Variants in WNT10B observed in about 807,000 individuals in gnomAD.
WNT10B encodes the protein Wnt family member 10B, also known as protein Wnt-10b.
A neutral mutation model predicts 32.7 loss-of-function variants in WNT10B; 26 were observed. That is an observed-to-expected ratio of 0.79 (90% CI 0.58 to 1.10). The LOEUF is 1.10. WNT10B is among the 50% of genes least tolerant of loss of function. The probability of loss-of-function intolerance (pLI) is 0.00; values close to 1 mark genes in which losing one functional copy is unlikely to be tolerated. For missense variants in WNT10B, 474 were observed against 532.5 expected, an observed-to-expected ratio of 0.89 and a Z score of 1.08; for synonymous variants, 204 against 220.4, an observed-to-expected ratio of 0.93 and a Z score of 0.66.
In WNT10B at chr12:48,970,271, G is replaced by T. The variant is rs1940827985; in HGVS notation, c.155C>A (p.Ser52Tyr). The T allele has an allele frequency of 6.2e-7, 1 of 1,613,620 alleles. No individual in the cohort carries two copies. Among genetic ancestry groups the T allele is most frequent in the Non-Finnish European group, 8.5e-7 (1 of 1,179,876 alleles). Residue 52 changes from serine to tyrosine, a missense_variant, in exon 3 of 5, where the codon TCC becomes TAC. By Grantham distance (144) the Ser-to-Tyr change is moderately radical. Coordinates refer to ENST00000301061, the MANE Select transcript of WNT10B (RefSeq NM_003394.4). This position sits in a 1 kb window ranked among gnomAD's most constrained non-coding sequence, Gnocchi z 5.0. ...LTANTVCLTL[S>Y]GLSKRQLGLC... is the part of the protein sequence containing the mutation. ...GCCTAGCTGCCGCTTGCTCAGGCCG[G>T]ACAGCGTCAAGCACACGGTGTTGGC...
chr12:48,970,237 C>A lies in WNT10B; in HGVS notation c.189G>T (p.Leu63=). ...GLSKRQLGLC[L]RNPDVTASAL... ...CGGACGCCGTCACGTCGGGGTTGCG[C>A]AGGCACAGGCCTAGCTGCCGCTTGC... is the stretch of plus-strand genomic sequence containing the variant. The change falls in exon 3 of 5, where the codon CTG becomes CTT. Residue 63 remains leucine (L), a synonymous_variant. Transcript: ENST00000301061. The surrounding 1 kb of genome is among the most constrained non-coding windows in gnomAD (Gnocchi z 5.0). 1 of 1,609,428 alleles carries A rather than the reference C, an allele frequency of 6.2e-7. No individual in the cohort carries two copies.
intron 3 of WNT10B, 130 bp from the exon 4 acceptor site, chr12:48,968,449 C>G: frequency 1.4e-6 from 2 of 1,417,646 alleles, no homozygotes; most frequent in South Asian, 2.5e-5. Context: ...TGCCATTCAC[C>G]AGCTGAGTGA....
At chr12:48,971,073 T>C (rs1940845999) in intron 1 of WNT10B, among the ~76,000 whole-genome samples, 1 of 152,140 alleles carries the variant, frequency 6.6e-6, no homozygotes, top group Admixed American at 6.5e-5. Context: ...CCACTCACAC[T>C]GCCCCCTCCC....
Position 48,966,854 on chromosome 12 carries a change from C to T in WNT10B, c.712-301G>A, listed in dbSNP as rs557349385. On this transcript the variant is annotated intron_variant, in intron 4 of 4. Transcript: ENST00000301061. ...TCCAGTGCTCTTTCCATTGTAAGCA[C>T]TTATAAAATTGGGAGTCTGGCCCAC... Among the ~76,000 whole-genome samples the T allele has an allele frequency of 3.9e-5, 6 of 152,306 alleles. No homozygotes were observed. In the South Asian group the frequency reaches 1.2e-3, roughly 32 times the overall value.
chr12:48,969,035 CTTCT>C, intron 3 of WNT10B: 2 of 468,124 alleles, frequency 4.3e-6, no homozygotes, highest in South Asian at 1.6e-5. Flanking sequence ...AAAAGGTTGG[CTTCT>C]TTGTTATGTT....
At position 48,970,362 on chromosome 12, in the gene WNT10B, A is replaced by C. The variant is rs376064819; in HGVS notation, c.75-11T>G. 10 of 1,613,996 alleles carry C rather than the reference A, an allele frequency of 6.2e-6. No homozygotes were observed. In the African/African-American group the frequency reaches 1.3e-4, roughly 22 times the overall value. ...TCATTGCTTAGAGCCCTGGGAACCAAGAAGGCGTCTGGGGTCTGCGGTCCA... is the reference window on the plus strand; with the variant it reads ...TCATTGCTTAGAGCCCTGGGAACCACGAAGGCGTCTGGGGTCTGCGGTCCA... On this transcript the variant is annotated splice_polypyrimidine_tract_variant and intron_variant, in intron 2 of 4. Coordinates refer to ENST00000301061, the MANE Select transcript of WNT10B (RefSeq NM_003394.4). The surrounding 1 kb of genome is among the most constrained non-coding windows in gnomAD (Gnocchi z 5.0).
rs760486607 is a variant in WNT10B, at chr12:48,966,360, C to T, written c.905G>A (p.Arg302His). Residue 302 changes from arginine to histidine, a missense_variant, in exon 5 of 5, where the codon CGT becomes CAT. Physicochemically the swap from Arg to His is conservative, Grantham distance 29. Transcript: ENST00000301061. ...SGAFQPRLRPRRLSGELVYFE... is the reference protein window; with the variant it reads ...SGAFQPRLRPHRLSGELVYFE... ...GTAGACCAGCTCTCCTGAGAGGCGA[C>T]GGGGACGCAGACGGGGCTGGAAGGC... is the stretch of plus-strand genomic sequence containing the variant. 5.8e-5 allele frequency: 93 copies of T among 1,614,070 alleles called. No individual in the cohort carries two copies. Among genetic ancestry groups the T allele is most frequent in the Non-Finnish European group, 6.8e-5 (80 of 1,180,040 alleles).
chr12:48,966,187 G>C lies in WNT10B; in HGVS notation c.1078C>G (p.Arg360Gly). ...GRGHNVLRQT[R>G]VERCHCRFHW... ...AAGCGGCAATGGCAGCGCTCAACTC[G>C]TGTCTGCCGGAGCACGTTGTGCCCA... is the stretch of plus-strand genomic sequence containing the variant. The change falls in exon 5 of 5, where the codon CGA becomes GGA. Residue 360 changes from arginine to glycine, a missense_variant. Coordinates refer to ENST00000301061, the MANE Select transcript of WNT10B (RefSeq NM_003394.4). The C allele has an allele frequency of 1.9e-6, 3 of 1,613,658 alleles. No individual in the cohort carries two copies. The highest frequency in any genetic ancestry group is 2.5e-6 in the Non-Finnish European group (3 of 1,179,860).
In WNT10B at chr12:48,967,809, A is replaced by G; in HGVS notation, c.711+137T>C. The G allele has an allele frequency of 3.2e-6, 4 of 1,238,422 alleles. No individual in the cohort carries two copies. The South Asian group carries it at 5.9e-5, about 18-fold the overall frequency. The allele number at this position is 1,238,422 out of a possible 1,614,324, so 76.7% of individuals were successfully genotyped here. ...GTATCATTAGGTTCTTTACAGATAC[A>G]AAACTGAGGCTGGGTGACTTGCTGA... is the stretch of plus-strand genomic sequence containing the variant. On this transcript the variant is annotated intron_variant, in intron 4 of 4. Coordinates refer to ENST00000301061, the MANE Select transcript of WNT10B (RefSeq NM_003394.4).
chr12:48,966,075 C>A lies in WNT10B; in HGVS notation c.*20G>T. The A allele has an allele frequency of 6.2e-7, 1 of 1,613,270 alleles. No individual in the cohort carries two copies. Among genetic ancestry groups the A allele is most frequent in the Non-Finnish European group, 8.5e-7 (1 of 1,179,930 alleles). On this transcript the variant is annotated 3_prime_UTR_variant, in exon 5 of 5. Coordinates refer to ENST00000301061, the MANE Select transcript of WNT10B (RefSeq NM_003394.4). ...CCTCTCACACAGTCCTCTTCCCCAG[C>A]CCCAAGGTAAGGCTGACCCTCACTT...
At chr12:48,969,103 T>C (rs1338927558) in intron 3 of WNT10B, 2 of 470,858 alleles carry the variant, frequency 4.2e-6, no homozygotes. Flanking sequence ...TAAATAAACA[T>C]GCTCACCATT....
chr12:48,969,751 G>A (rs1394399217), intron 3 of WNT10B, among the ~76,000 whole-genome samples: 1 of 151,314 alleles, frequency 6.6e-6, no homozygotes, highest in Non-Finnish European at 1.5e-5. Context: ...AGAAAATGGT[G>A]GAGGGAATAG....
In WNT10B at chr12:48,965,877, GA is replaced by G; in HGVS notation, c.*217del. The stretch of plus-strand genomic sequence containing the variant: ...CCATTCAGGTGTCTAAGGAGCAGAA[GA>G]GGGGTGGCAGCTTCCCCTCAAGACC... On this transcript the variant is annotated 3_prime_UTR_variant, in exon 5 of 5. Coordinates refer to ENST00000301061, the MANE Select transcript of WNT10B (RefSeq NM_003394.4). The G allele has an allele frequency of 1.7e-6, 1 of 601,276 alleles. No individual in the cohort carries two copies. 37.2% of individuals were successfully genotyped at this position (601,276 alleles called of 1,614,324 possible). A position where few individuals can be genotyped will look rare whatever the true frequency, so the allele number is the denominator to read the frequency against.
chr12:48,970,566 G>A lies in WNT10B; in HGVS notation c.-37C>T, dbSNP rs1565717868. 1 of 1,554,346 alleles carries A rather than the reference G, an allele frequency of 6.4e-7. No homozygotes were observed. On this transcript the variant is annotated 5_prime_UTR_variant, in exon 2 of 5. Transcript: ENST00000301061. The surrounding 1 kb of genome is among the most constrained non-coding windows in gnomAD (Gnocchi z 5.0). ...GAGGCTCCGGTGGGCAGATCGATCAGGACCTGCGGGACGGGAGACTTGATG... is the reference window on the plus strand; with the variant it reads ...GAGGCTCCGGTGGGCAGATCGATCAAGACCTGCGGGACGGGAGACTTGATG...
In WNT10B at chr12:48,965,674, T is replaced by G; in HGVS notation, c.*421A>C. 4.9e-6 allele frequency: 1 copy of G among 202,770 alleles called. No individual in the cohort carries two copies. The allele number at this position is 202,770 out of a possible 1,614,324, so 12.6% of individuals were successfully genotyped here. A position where few individuals can be genotyped will look rare whatever the true frequency, so the allele number is the denominator to read the frequency against. ...GGAGTTTGGGGATAGTACATAGGAG[T>G]GGGTGATCTCTTTCTAGATACAGAT... On this transcript the variant is annotated 3_prime_UTR_variant, in exon 5 of 5. Transcript: ENST00000301061.
intron 3 of WNT10B, among the ~76,000 whole-genome samples, chr12:48,968,854 T>C (rs1361342926): frequency 2.6e-5 from 4 of 151,880 alleles, no homozygotes; most frequent in African/African-American, 9.7e-5. Flanking sequence ...ACCACCATCC[T>C]AGCACCCCCA....
chr12:48,968,231 C>T lies in WNT10B; in HGVS notation c.426G>A (p.Val142=), dbSNP rs773242300. The part of the protein sequence containing the change: ...VATACSLGKL[V]SCGCGWKGSG... ...TGCCCTTCCAGCCACAGCCACAGCT[C>T]ACCAGCTTGCCCAGGCTGCAGGCCG... Residue 142 remains valine, a synonymous_variant, in exon 4 of 5, where the codon GTG becomes GTA. Coordinates refer to ENST00000301061, the MANE Select transcript of WNT10B (RefSeq NM_003394.4). The T allele has an allele frequency of 2.1e-5, 34 of 1,612,172 alleles. 1 individual carries two copies. In the South Asian group the frequency reaches 3.5e-4, roughly 17 times the overall value.
In WNT10B at chr12:48,970,543, G is replaced by A; in HGVS notation, c.-14C>T. ...CTCCTCCAGCATGTCGAAGCCCGGA[G>A]GCTCCGGTGGGCAGATCGATCAGGA... On this transcript the variant is annotated 5_prime_UTR_variant, in exon 2 of 5. Transcript: ENST00000301061. The surrounding 1 kb of genome is among the most constrained non-coding windows in gnomAD (Gnocchi z 5.0). The A allele has an allele frequency of 6.4e-7, 1 of 1,566,414 alleles. No homozygotes were observed. Among genetic ancestry groups the A allele is most frequent in the Non-Finnish European group, 8.7e-7 (1 of 1,155,022 alleles).
rs960113981 is a variant in WNT10B at position 48,970,080 on chromosome 12, C to T, written c.337+9G>A. On this transcript the variant is annotated intron_variant, in intron 3 of 4. Transcript: ENST00000301061. This position sits in a 1 kb window ranked among gnomAD's most constrained non-coding sequence, Gnocchi z 5.0. Reference sequence around the variant, plus strand: ...CCGCGGCAGCGCCGACCCGCCCAGCCAGGCTCACCGCGCTTGAGGATGGCG... The same window carrying T: ...CCGCGGCAGCGCCGACCCGCCCAGCTAGGCTCACCGCGCTTGAGGATGGCG... 15 of 1,511,482 alleles carry T rather than the reference C, an allele frequency of 9.9e-6. No individual in the cohort carries two copies. Among genetic ancestry groups the T allele is most frequent in the Non-Finnish European group, 1.3e-5 (15 of 1,131,084 alleles). The allele number at this position is 1,511,482 out of a possible 1,614,324, so 93.6% of individuals were successfully genotyped here.
Sources: gnomAD v4.1 joint callset for allele counts (sites outside exome capture counted in the v4.1 genomes callset) on GRCh38, gnomAD v4.1.1 for gene constraint, Gnocchi (gnomAD v3.1) non-coding constraint, MANE v1.5 for transcripts, NCBI Gene and HGNC (gene_info 2026-07-23, HGNC 2026-07-21) for gene names.